Variants in TRAPPC8 observed in about 807,000 individuals in gnomAD.
The protein encoded by TRAPPC8 is trafficking protein particle complex subunit 8.
A neutral mutation model predicts 174.3 loss-of-function variants in TRAPPC8; 54 were observed. The ratio of observed to expected loss-of-function variants is 0.31; its 90% CI spans 0.25 to 0.39. The LOEUF (loss-of-function observed/expected upper bound fraction) is 0.39. TRAPPC8 is among the 10% of genes least tolerant of loss of function. The pLI is 1.00. For missense variants in TRAPPC8, 1,531 were observed against 1,699.1 expected, an observed-to-expected ratio of 0.90 and a Z score of 1.74; for synonymous variants, 630 against 579.9, an observed-to-expected ratio of 1.09 and a Z score of -1.24.
At chr18:31,924,636 C>T (rs1490635441) in intron 2 of TRAPPC8, among the ~76,000 whole-genome samples, 3 of 145,360 alleles carry the variant, frequency 2.1e-5, no homozygotes, top group Non-Finnish European at 4.5e-5. Flanking sequence ...TTTAAATCTG[C>T]CTGAAGCAGG....
chr18:31,880,112 TATATATATA>T (rs1279145961), intron 12 of TRAPPC8, among the ~76,000 whole-genome samples: 4 of 90,852 alleles, frequency 4.4e-5, no homozygotes, highest in Admixed American at 2.9e-4. Context: ...TATATATATA[TATATATATA>T]TTTTTTTTTT....
intron 11 of TRAPPC8, among the ~76,000 whole-genome samples, chr18:31,894,907 G>A (rs1057039435): frequency 6.6e-6 from 1 of 152,162 alleles, no homozygotes; most frequent in Non-Finnish European, 1.5e-5. Flanking sequence ...ACCAGAATAA[G>A]TGTTCAACAC....
At chr18:31,832,909 C>T (rs1292679976) in intron 27 of TRAPPC8, among the ~76,000 whole-genome samples, 1 of 152,068 alleles carries the variant, frequency 6.6e-6, no homozygotes, top group Non-Finnish European at 1.5e-5. Context: ...AAATAGTAAC[C>T]GTATAAGTTC....
At chr18:31,882,656 G>A (rs1317895445) in intron 12 of TRAPPC8, among the ~76,000 whole-genome samples, 5 of 151,746 alleles carry the variant, frequency 3.3e-5, no homozygotes, top group Admixed American at 6.6e-5. Context: ...TCGCTCTGTC[G>A]CTCAGGTTGG....
intron 26 of TRAPPC8, 61 bp downstream of exon 26, chr18:31,846,655 A>C: frequency 7.4e-7 from 1 of 1,349,072 alleles, no homozygotes; most frequent in Non-Finnish European, 1.0e-6. Context: ...AACCAACCAA[A>C]CAACAACAAA....
intron 24 of TRAPPC8, among the ~76,000 whole-genome samples, chr18:31,849,996 A>G (rs2033624612): frequency 6.6e-6 from 1 of 151,874 alleles, no homozygotes; most frequent in African/African-American, 2.4e-5. Context: ...TCTGTCATCC[A>G]GGCTGGAGTG....
chr18:31,892,118 A>C (rs1010760421), intron 11 of TRAPPC8, among the ~76,000 whole-genome samples: 10 of 152,214 alleles, frequency 6.6e-5, no homozygotes, highest in African/African-American at 2.4e-4. Flanking sequence ...TCTTTTTAGA[A>C]ATTATTAATA....
At chr18:31,880,231 A>T (rs990153230) in intron 12 of TRAPPC8, among the ~76,000 whole-genome samples, 3 of 150,720 alleles carry the variant, frequency 2.0e-5, no homozygotes, top group African/African-American at 7.3e-5. Flanking sequence ...CCCATGATGA[A>T]CACAGATGCA....
intron 25 of TRAPPC8, 147 bp from the exon 26 acceptor site, chr18:31,846,964 G>A: frequency 2.0e-6 from 1 of 489,042 alleles, no homozygotes. Flanking sequence ...TCTACTTTTA[G>A]TTATTCATTC....
chr18:31,875,415 T>C (rs1041373224), intron 12 of TRAPPC8, among the ~76,000 whole-genome samples: 38 of 151,606 alleles, frequency 2.5e-4, no homozygotes, highest in African/African-American at 9.2e-4. Context: ...GATCCCAGCC[T>C]GCCTGCCTGC....
rs770018218 is a variant in TRAPPC8 at position 31,917,537 on chromosome 18, A to T, written c.442+41T>A. On this transcript the variant is annotated intron_variant, in intron 3 of 28. Transcript: ENST00000283351. ...ACTATTTCTGAGATTAATAACTTCCATAATATTTGATTTGAGGAGAACATA... is the reference window on the plus strand; with the variant it reads ...ACTATTTCTGAGATTAATAACTTCCTTAATATTTGATTTGAGGAGAACATA... 6.5e-6 allele frequency: 10 copies of T among 1,548,030 alleles called. No individual in the cohort carries two copies. In the African/African-American group the frequency reaches 1.1e-4, roughly 17 times the overall value.
At chr18:31,928,821 C>T (rs1365666355) in intron 2 of TRAPPC8, among the ~76,000 whole-genome samples, 1 of 152,162 alleles carries the variant, frequency 6.6e-6, no homozygotes, top group East Asian at 1.9e-4. Flanking sequence ...TGTTGCATGG[C>T]TAACAAACTT....
At chr18:31,868,509 C>T (rs1413912750) in intron 16 of TRAPPC8, among the ~76,000 whole-genome samples, 2 of 152,122 alleles carry the variant, frequency 1.3e-5, no homozygotes, top group Admixed American at 6.5e-5. Flanking sequence ...CAAGTTTAAC[C>T]GCTCATACTG....
chr18:31,876,643 G>C (rs569526484), intron 12 of TRAPPC8, among the ~76,000 whole-genome samples: 2 of 152,164 alleles, frequency 1.3e-5, no homozygotes, highest in East Asian at 1.9e-4. Flanking sequence ...AAAGAAACTA[G>C]AGTGCAGGAA....
At chr18:31,833,014 C>T (rs756650634) in intron 27 of TRAPPC8, among the ~76,000 whole-genome samples, 1 of 151,892 alleles carries the variant, frequency 6.6e-6, no homozygotes, top group African/African-American at 2.4e-5. Flanking sequence ...TAAACAATAC[C>T]GCAAACGTCA....
At chr18:31,926,516 T>C (rs998644466) in intron 2 of TRAPPC8, 2 of 151,968 alleles carry the variant, frequency 1.3e-5, no homozygotes, top group African/African-American at 4.8e-5. Context: ...TTGTCCAAGC[T>C]GGAGTGCAAC....
intron 11 of TRAPPC8, among the ~76,000 whole-genome samples, chr18:31,895,454 T>C (rs2036143894): frequency 6.6e-6 from 1 of 152,072 alleles, no homozygotes; most frequent in African/African-American, 2.4e-5. Flanking sequence ...CAAATAACAA[T>C]GATACATTTT....
At chr18:31,885,931 C>T (rs1418662049) in intron 12 of TRAPPC8, among the ~76,000 whole-genome samples, 3 of 151,832 alleles carry the variant, frequency 2.0e-5, no homozygotes, top group African/African-American at 2.4e-5. Flanking sequence ...AACCACTTAA[C>T]ACTCAAATGG....
At chr18:31,870,169 G>T (rs148951088) in intron 16 of TRAPPC8, 4,856 of 362,778 alleles carry the variant, frequency 0.013, 45 homozygotes, top group Non-Finnish European at 0.019. Flanking sequence ...TAAATATTAT[G>T]AAGACAGATG....
Sources: gnomAD v4.1 joint callset for allele counts (sites outside exome capture counted in the v4.1 genomes callset) on GRCh38, gnomAD v4.1.1 for gene constraint, MANE v1.5 for transcripts, NCBI Gene and HGNC (gene_info 2026-07-23, HGNC 2026-07-21) for gene names.